Variants in ZNF736 observed in about 807,000 individuals in gnomAD.
ZNF736 encodes KRAB-containing zinc-finger repressor protein.
In ZNF736, 6 loss-of-function variants were observed where a neutral mutation model predicts 11.7. The observed-to-expected ratio is 0.51, with a 90% CI of 0.28 to 1.01. The LOEUF (loss-of-function observed/expected upper bound fraction) is 1.01, where lower values mean the gene tolerates loss of function less well. ZNF736 is among the 50% of genes least tolerant of loss of function. The pLI is 0.09. For synonymous variants in ZNF736, 139 were observed against 164.7 expected (o/e 0.84, Z 1.19); for missense variants, 444 against 496.0 (o/e 0.90, Z 1.00).
At chr7:64,337,076 T>C in intron 3 of ZNF736, 94 bp downstream of exon 3, 1 of 1,041,816 alleles carries the variant, frequency 9.6e-7, no homozygotes. Context: ...GAAGCTCTGC[T>C]CCAGTGGAAA....
intron 1 of ZNF736, among the ~76,000 whole-genome samples, chr7:64,332,193 T>G (rs745629903): frequency 1.2e-4 from 18 of 151,156 alleles, no homozygotes; most frequent in Admixed American, 2.6e-4. Context: ...GTGTAGAACT[T>G]GCAAATGTTT....
At chr7:64,346,502 A>G (rs917201968) in intron 3 of ZNF736, among the ~76,000 whole-genome samples, 4 of 149,540 alleles carry the variant, frequency 2.7e-5, no homozygotes, top group Non-Finnish European at 4.4e-5. Flanking sequence ...TGCTTTAACT[A>G]TGTCATCCTG....
At chr7:64,320,735 A>G (rs1339938236) in intron 1 of ZNF736, among the ~76,000 whole-genome samples, 1 of 152,206 alleles carries the variant, frequency 6.6e-6, no homozygotes, top group Non-Finnish European at 1.5e-5. Context: ...AGCCCTCTTA[A>G]AATGTACTTT....
At chr7:64,325,398 G>T (rs1789070035) in intron 1 of ZNF736, among the ~76,000 whole-genome samples, 1 of 152,112 alleles carries the variant, frequency 6.6e-6, no homozygotes, top group South Asian at 2.1e-4. Context: ...GGATTTTGAG[G>T]CTTTATTGAT....
intron 1 of ZNF736, among the ~76,000 whole-genome samples, chr7:64,324,776 CTG>C (rs2115887597): frequency 6.6e-6 from 1 of 152,296 alleles, no homozygotes; most frequent in African/African-American, 2.4e-5. Context: ...GAGCCACTAT[CTG>C]TAGCACAAAT....
At chr7:64,323,682 C>G (rs573017499) in intron 1 of ZNF736, among the ~76,000 whole-genome samples, 30 of 152,172 alleles carry the variant, frequency 2.0e-4, no homozygotes, top group Non-Finnish European at 4.3e-4. Context: ...TAAGTGGAAG[C>G]TGAATGATGA....
At position 64,349,945 on chromosome 7, in the gene ZNF736, C is replaced by G. The variant is rs1357569305; in HGVS notation, c.*798C>G. 1 of 152,104 alleles carries G rather than the reference C, an allele frequency of 6.6e-6. No individual in the cohort carries two copies. The highest frequency in any genetic ancestry group is 1.5e-5 in the Non-Finnish European group (1 of 68,030). The allele number at this position is 152,104 out of a possible 1,614,324, so 9.4% of individuals were successfully genotyped here. On this transcript the variant is annotated 3_prime_UTR_variant, in exon 4 of 4. Transcript: ENST00000423484. ...GATTTGTTGTTTTCCTGATGAGCTT[C>G]TTTTTAGAGGTGACCTGGCCTTTCT...
At position 64,353,931 on chromosome 7, in the gene ZNF736, T is replaced by G. The variant is rs1789523028; in HGVS notation, c.*4784T>G. The G allele has an allele frequency of 6.6e-6, 1 of 152,240 alleles. No homozygotes were observed. Among genetic ancestry groups the G allele is most frequent in the Admixed American group, 6.5e-5 (1 of 15,280 alleles). 9.4% of individuals were successfully genotyped at this position (152,240 alleles called of 1,614,324 possible). A position where few individuals can be genotyped will look rare whatever the true frequency, so the allele number is the denominator to read the frequency against. On this transcript the variant is annotated 3_prime_UTR_variant, in exon 4 of 4. Coordinates refer to ENST00000423484, the MANE Select transcript of ZNF736 (RefSeq NM_001170905.3). ...AATTATTGTTATTGTGTTAAGGCTATTTTACATTGAATGTGTATCTTGCCA... is the reference window on the plus strand; with the variant it reads ...AATTATTGTTATTGTGTTAAGGCTAGTTTACATTGAATGTGTATCTTGCCA...
At chr7:64,323,339 A>G (rs1789027676) in intron 1 of ZNF736, among the ~76,000 whole-genome samples, 2 of 152,236 alleles carry the variant, frequency 1.3e-5, no homozygotes, top group African/African-American at 4.8e-5. Flanking sequence ...TGAGCATGAA[A>G]CACTTGTGAT....
chr7:64,353,985 A>G lies in ZNF736; in HGVS notation c.*4838A>G, dbSNP rs1789523601. The G allele has an allele frequency of 6.6e-6, 1 of 152,208 alleles. No homozygotes were observed. The allele number at this position is 152,208 out of a possible 1,614,324, so 9.4% of individuals were successfully genotyped here. A position where few individuals can be genotyped will look rare whatever the true frequency, so the allele number is the denominator to read the frequency against. On this transcript the variant is annotated 3_prime_UTR_variant, in exon 4 of 4. Transcript: ENST00000423484. Reference sequence around the variant, plus strand: ...ATGTTAACTTATCCCATCTTACCCAAGGTTGTAGGTAACAATATACTATTG... The same window carrying G: ...ATGTTAACTTATCCCATCTTACCCAGGGTTGTAGGTAACAATATACTATTG...
chr7:64,334,796 A>G (rs1789221547), intron 1 of ZNF736, among the ~76,000 whole-genome samples: 1 of 152,222 alleles, frequency 6.6e-6, no homozygotes, highest in Admixed American at 6.5e-5. Context: ...GTATATGCCC[A>G]AAGGATTTTA....
At chr7:64,337,050 T>G in intron 3 of ZNF736, 68 bp downstream of exon 3, 1 of 1,269,828 alleles carries the variant, frequency 7.9e-7, no homozygotes, top group Non-Finnish European at 1.1e-6. Context: ...AAGCCAAACC[T>G]TTAAACATGC....
intron 1 of ZNF736, among the ~76,000 whole-genome samples, chr7:64,328,636 C>T (rs939076337): frequency 6.6e-6 from 1 of 152,052 alleles, no homozygotes; most frequent in African/African-American, 2.4e-5. Context: ...GTGGCGGGCT[C>T]CTGTAGTCCC....
In ZNF736 at chr7:64,349,313, T is replaced by G. The variant is rs1481782074; in HGVS notation, c.*166T>G. Reference sequence around the variant, plus strand: ...TGGTTGCTTATATGTTGGGTACATATATAGCCCTTTGCTATTATGTAATGC... The same window carrying G: ...TGGTTGCTTATATGTTGGGTACATAGATAGCCCTTTGCTATTATGTAATGC... On this transcript the variant is annotated 3_prime_UTR_variant, in exon 4 of 4. Transcript: ENST00000423484. 2 of 544,248 alleles carry G rather than the reference T, an allele frequency of 3.7e-6. No homozygotes were observed. Among genetic ancestry groups the G allele is most frequent in the African/African-American group, 3.8e-5 (2 of 52,210 alleles). The allele number at this position is 544,248 out of a possible 1,614,324, so 33.7% of individuals were successfully genotyped here. A position where few individuals can be genotyped will look rare whatever the true frequency, so the allele number is the denominator to read the frequency against.
rs565144883 is a variant in ZNF736, at chr7:64,330,685, G to A, written c.4-5574G>A. Among the ~76,000 whole-genome samples the A allele has an allele frequency of 1.1e-3, 163 of 152,256 alleles. 1 individual carries two copies. The highest frequency in any genetic ancestry group is 1.7e-3 in the African/African-American group (69 of 41,560). ...TGCACTGTACTGGGTCTCACCCGCCGAAGGGCTGCAGCAAGTTACTGCTTA... is the reference window on the plus strand; with the variant it reads ...TGCACTGTACTGGGTCTCACCCGCCAAAGGGCTGCAGCAAGTTACTGCTTA... On this transcript the variant is annotated intron_variant, in intron 1 of 3. Coordinates refer to ENST00000423484, the MANE Select transcript of ZNF736 (RefSeq NM_001170905.3).
In ZNF736 at chr7:64,340,475, GT is replaced by G. The variant is rs1789321876; in HGVS notation, c.226+3496del. ...GTAGCCAAAGAGCAAGGGTTTTCAA[GT>G]TTGCCACCTATATGAGGACCTGCCT... On this transcript the variant is annotated intron_variant, in intron 3 of 3. Coordinates refer to ENST00000423484, the MANE Select transcript of ZNF736 (RefSeq NM_001170905.3). Among the ~76,000 whole-genome samples the G allele has an allele frequency of 2.0e-5, 3 of 152,284 alleles. No individual in the cohort carries two copies. The South Asian group carries it at 6.2e-4, about 32-fold the overall frequency.
At chr7:64,343,216 T>A (rs573688402) in intron 3 of ZNF736, among the ~76,000 whole-genome samples, 1 of 152,166 alleles carries the variant, frequency 6.6e-6, no homozygotes, top group Non-Finnish European at 1.5e-5. Context: ...TATATACACA[T>A]TGAAATACTA....
At chr7:64,323,217 A>T (rs978927886) in intron 1 of ZNF736, among the ~76,000 whole-genome samples, 4 of 152,160 alleles carry the variant, frequency 2.6e-5, no homozygotes, top group Non-Finnish European at 5.9e-5. Context: ...TATCTTTACC[A>T]TATTATGGGC....
chr7:64,317,020 A>G (rs538520784), intron 1 of ZNF736, among the ~76,000 whole-genome samples: 1 of 152,346 alleles, frequency 6.6e-6, no homozygotes, highest in East Asian at 1.9e-4. Flanking sequence ...TAAATTACAA[A>G]ACATTCATGA....
Sources: allele counts gnomAD v4.1 joint callset (sites outside exome capture counted in the v4.1 genomes callset), GRCh38; gene constraint gnomAD v4.1.1; transcripts MANE v1.5; gene names NCBI Gene and HGNC (gene_info 2026-07-23, HGNC 2026-07-21).